PDE1A: variants seen among roughly 807,000 people sequenced by gnomAD.
PDE1A encodes the protein dual specificity calcium/calmodulin-dependent 3',5'-cyclic nucleotide phosphodiesterase 1A.
A neutral mutation model predicts 61.7 loss-of-function variants in PDE1A; 35 were observed. That is an observed-to-expected ratio of 0.57 (90% CI 0.43 to 0.75). The LOEUF is 0.75. PDE1A is among the 30% of genes least tolerant of loss of function. The pLI, the probability that PDE1A is intolerant of heterozygous loss-of-function variation, is 0.00. For synonymous variants in PDE1A, 232 were observed against 213.2 expected, an observed-to-expected ratio of 1.09 and a Z score of -0.77; for missense variants, 597 against 630.6, an observed-to-expected ratio of 0.95 and a Z score of 0.57.
the PDE1A span, among the ~76,000 whole-genome samples, chr2:182,555,754 T>A: frequency 2.6e-5 from 4 of 151,724 alleles, no homozygotes; most frequent in Non-Finnish European, 4.4e-5. Flanking sequence ...TCACCTGAGG[T>A]CAGGAGTTGG....
At chr2:182,652,021 T>G in the PDE1A span, among the ~76,000 whole-genome samples, 1 of 152,236 alleles carries the variant, frequency 6.6e-6, no homozygotes, top group African/African-American at 2.4e-5. Context: ...TATTATGTAT[T>G]TTTAATGTAT....
At chr2:182,693,032 G>C in the PDE1A span, among the ~76,000 whole-genome samples, 1 of 152,234 alleles carries the variant, frequency 6.6e-6, no homozygotes, top group Non-Finnish European at 1.5e-5. Context: ...TGAGGTTGCA[G>C]TGAGCTATGA....
chr2:182,496,976 G>T (rs1037857080), intron 2 of PDE1A, among the ~76,000 whole-genome samples: 1 of 151,950 alleles, frequency 6.6e-6, no homozygotes, highest in Non-Finnish European at 1.5e-5. Flanking sequence ...TTACTTTAAG[G>T]TTACTTATTT....
the PDE1A span, among the ~76,000 whole-genome samples, chr2:182,709,039 C>A: frequency 6.6e-6 from 1 of 152,068 alleles, no homozygotes; most frequent in Non-Finnish European, 1.5e-5. Context: ...ATTTGAGTAT[C>A]TTTAGGCAAG....
intron 1 of PDE1A, among the ~76,000 whole-genome samples, chr2:182,403,013 T>C (rs888340561): frequency 1.3e-5 from 2 of 149,126 alleles, no homozygotes; most frequent in Admixed American, 1.3e-4. Flanking sequence ...CATTAAAAAG[T>C]CAGGAAACAA....
intron 1 of PDE1A, among the ~76,000 whole-genome samples, chr2:182,276,951 A>G (rs1292935158): frequency 1.3e-5 from 2 of 152,032 alleles, no homozygotes; most frequent in Non-Finnish European, 2.9e-5. Context: ...CCGTCCTGGT[A>G]AATTTGAAGT....
At chr2:182,497,608 T>C (rs2125905031) in intron 2 of PDE1A, among the ~76,000 whole-genome samples, 1 of 152,288 alleles carries the variant, frequency 6.6e-6, no homozygotes, top group East Asian at 1.9e-4. Context: ...ACGTTTTTCC[T>C]CATTCCGTTC....
At chr2:182,394,971 C>A (rs1315287497) in intron 1 of PDE1A, among the ~76,000 whole-genome samples, 1 of 152,186 alleles carries the variant, frequency 6.6e-6, no homozygotes, top group African/African-American at 2.4e-5. Flanking sequence ...CATCCATATT[C>A]AAGTCTCCTG....
Position 182,249,471 on chromosome 2 carries a change from T to C in PDE1A, c.168-9179A>G, listed in dbSNP as rs10177393. ...GGGAGAGGAACACCAAAGAGAGCCC[T>C]TGTCAGGCCCCCTGAAGTGGGGAAT... is the stretch of plus-strand genomic sequence containing the variant. On this transcript the variant is annotated intron_variant, in intron 2 of 13. Transcript: ENST00000351439. Among the ~76,000 whole-genome samples the C allele has an allele frequency of 4.8e-3, 732 of 152,200 alleles. 6 individuals carry two copies. Among genetic ancestry groups the C allele is most frequent in the African/African-American group, 0.017 (692 of 41,532 alleles).
chr2:182,358,319 C>G (rs192399681), intron 1 of PDE1A, among the ~76,000 whole-genome samples: 5 of 152,202 alleles, frequency 3.3e-5, no homozygotes, highest in Non-Finnish European at 7.4e-5. Context: ...TTAAATTTAC[C>G]TTGTGTTTTA....
intron 1 of PDE1A, among the ~76,000 whole-genome samples, chr2:182,305,535 T>TA (rs1228789066): frequency 6.6e-6 from 1 of 152,148 alleles, no homozygotes; most frequent in African/African-American, 2.4e-5. Context: ...TTCAGTACTG[T>TA]ATGCCTCTGA....
At chr2:182,554,120 T>G in the PDE1A span, among the ~76,000 whole-genome samples, 1 of 152,092 alleles carries the variant, frequency 6.6e-6, no homozygotes, top group Non-Finnish European at 1.5e-5. Context: ...ACTATAATAC[T>G]TAGATGAGAC....
rs962331927 is a variant in PDE1A, at chr2:182,497,723, G to A, written c.101+24553C>T. Among the ~76,000 whole-genome samples, 17 of 152,180 alleles carry A rather than the reference G, an allele frequency of 1.1e-4. No homozygotes were observed. The East Asian group carries it at 2.1e-3, about 19-fold the overall frequency. On this transcript the variant is annotated intron_variant, in intron 2 of 14. Coordinates refer to the PDE1A transcript ENST00000410103. ...AGAAAGACCTGTGGACACAGGTACC[G>A]GCATTTGGTAACCACCCAATTAAAA... is the stretch of plus-strand genomic sequence containing the variant.
intron 1 of PDE1A, among the ~76,000 whole-genome samples, chr2:182,406,488 T>C (rs902513869): frequency 1.3e-5 from 2 of 152,158 alleles, no homozygotes; most frequent in African/African-American, 4.8e-5. Context: ...GTATAAATTA[T>C]CAACTGCTGT....
chr2:182,545,395 T>C, the PDE1A span, among the ~76,000 whole-genome samples: 1 of 152,254 alleles, frequency 6.6e-6, no homozygotes, highest in Non-Finnish European at 1.5e-5. Flanking sequence ...CTCTGAGTTG[T>C]TGCCCTCTTC....
chr2:182,432,027 A>G (rs1703975744), upstream of PDE1A, among the ~76,000 whole-genome samples: 1 of 152,140 alleles, frequency 6.6e-6, no homozygotes, highest in African/African-American at 2.4e-5. Context: ...CTGCTAAGAT[A>G]TGAATGAAAG....
chr2:182,192,028 TA>T, intron 10 of PDE1A, among the ~76,000 whole-genome samples: 1 of 151,950 alleles, frequency 6.6e-6, no homozygotes, highest in Non-Finnish European at 1.5e-5. Flanking sequence ...GCTAATTTTT[TA>T]TATTTTTAGT....
chr2:182,231,578 G>A (rs1689583597), intron 4 of PDE1A, among the ~76,000 whole-genome samples: 2 of 77,440 alleles, frequency 2.6e-5, no homozygotes, highest in African/African-American at 1.5e-4. Flanking sequence ...CACCATAAGA[G>A]TTTGCAGTTT....
At chr2:182,536,317 T>C in the PDE1A span, among the ~76,000 whole-genome samples, 2 of 152,238 alleles carry the variant, frequency 1.3e-5, no homozygotes, top group African/African-American at 4.8e-5. Flanking sequence ...TATTCTATCC[T>C]CTTATTGTGT....
Sources: gnomAD v4.1 joint callset for allele counts (sites outside exome capture counted in the v4.1 genomes callset) on GRCh38, gnomAD v4.1.1 for gene constraint, MANE v1.5 for transcripts, NCBI Gene and HGNC (gene_info 2026-07-23, HGNC 2026-07-21) for gene names.